Variants in FBXL18 observed in about 807,000 individuals in gnomAD.
The protein encoded by FBXL18 is F-box/LRR-repeat protein 18.
FBXL18 carries 36 observed loss-of-function variants against 46.0 expected under a neutral mutation model. The observed-to-expected ratio is 0.78, with a 90% CI of 0.60 to 1.03. The LOEUF is 1.03. FBXL18 is among the 50% of genes least tolerant of loss of function. The pLI, the probability that FBXL18 is intolerant of heterozygous loss-of-function variation, is 0.00. For synonymous variants in FBXL18, 557 were observed against 465.3 expected, an observed-to-expected ratio of 1.20 and a Z score of -2.54; for missense variants, 977 against 1,004.1, an observed-to-expected ratio of 0.97 and a Z score of 0.36.
At chr7:5,510,207 C>G (rs1784494348) in intron 1 of FBXL18, among the ~76,000 whole-genome samples, 1 of 145,320 alleles carries the variant, frequency 6.9e-6, no homozygotes, top group Admixed American at 7.2e-5. Flanking sequence ...GAGGCTGAGG[C>G]AAGGAGAATT....
At chr7:5,467,345 C>T (rs373794187) in intron 4 of FBXL18, among the ~76,000 whole-genome samples, 4 of 151,238 alleles carry the variant, frequency 2.6e-5, no homozygotes, top group East Asian at 1.9e-4. Context: ...AGCGAGACTC[C>T]GTCTTAAAAA....
intron 1 of FBXL18, among the ~76,000 whole-genome samples, chr7:5,506,204 A>G (rs916469233): frequency 2.0e-5 from 3 of 151,604 alleles, no homozygotes; most frequent in African/African-American, 7.3e-5. Flanking sequence ...CCAGCCTCCC[A>G]AAGGGCTGGG....
intron 1 of FBXL18, among the ~76,000 whole-genome samples, chr7:5,513,050 TCCCCGCTGCA>T (rs1405168165): frequency 1.3e-5 from 2 of 151,856 alleles, no homozygotes; most frequent in East Asian, 3.9e-4. Flanking sequence ...GAGTCTAGAG[TCCCCGCTGCA>T]CCCCTTTCTG....
At position 5,501,541 on chromosome 7, in the gene FBXL18, T is replaced by C. The variant is rs773049891; in HGVS notation, c.728A>G (p.Asn243Ser). The C allele has an allele frequency of 2.5e-6, 4 of 1,613,714 alleles. No individual in the cohort carries two copies. The Admixed American group carries it at 5.0e-5, about 20-fold the overall frequency. Residue 243 changes from asparagine to serine, a missense_variant, in exon 3 of 5, where the codon AAC becomes AGC. By Grantham distance (46) the Asn-to-Ser change is conservative (BLOSUM62 1). Coordinates refer to ENST00000382368, the MANE Select transcript of FBXL18 (RefSeq NM_024963.6). ...CAGGTAGAGCCGCACCACCTCCTGG[T>C]TGATGTAGCCGGGGGCCAGGCGCGC... ...FYARLAPGYI[N>S]QEVVRLYLAV...
At chr7:5,471,806 G>GC (rs1783432193), downstream of FBXL18, among the ~76,000 whole-genome samples, 1 of 152,184 alleles carries the variant, frequency 6.6e-6, no homozygotes, top group African/African-American at 2.4e-5. Context: ...CTGGCGTAGT[G>GC]CCCCCCACAA....
intron 4 of FBXL18, among the ~76,000 whole-genome samples, chr7:5,461,854 T>A (rs1016966892): frequency 1.3e-5 from 2 of 151,958 alleles, no homozygotes; most frequent in African/African-American, 2.4e-5. Context: ...GGCAGGAGAA[T>A]CACTTGAGCT....
intron 4 of FBXL18, among the ~76,000 whole-genome samples, chr7:5,459,030 A>G (rs889272354): frequency 2.0e-5 from 3 of 152,060 alleles, no homozygotes; most frequent in Non-Finnish European, 4.4e-5. Flanking sequence ...GTATGTACCT[A>G]TAGTCACAGC....
At chr7:5,468,475 T>G (rs1461075147) in intron 4 of FBXL18, among the ~76,000 whole-genome samples, 1 of 152,208 alleles carries the variant, frequency 6.6e-6, no homozygotes, top group African/African-American at 2.4e-5. Context: ...ACTGAAATAT[T>G]AACGGATGCA....
Position 5,478,024 on chromosome 7 carries a change from G to A in FBXL18, c.*3751C>T, listed in dbSNP as rs1464577878. 2 of 152,386 alleles carry A rather than the reference G, an allele frequency of 1.3e-5. No individual in the cohort carries two copies. Among genetic ancestry groups the A allele is most frequent in the Non-Finnish European group, 2.9e-5 (2 of 68,156 alleles). 9.4% of individuals were successfully genotyped at this position (152,386 alleles called of 1,614,324 possible). On this transcript the variant is annotated 3_prime_UTR_variant, in exon 5 of 5. Coordinates refer to ENST00000382368, the MANE Select transcript of FBXL18 (RefSeq NM_024963.6). ...CCTGGGTCCAACGGCCTGTGGCTCT[G>A]GGTCCGGACCCAGGGTGTGGTTGAG...
At chr7:5,512,678 C>A (rs6965422) in intron 1 of FBXL18, among the ~76,000 whole-genome samples, 2,914 of 152,204 alleles carry the variant, frequency 0.019, 107 homozygotes, top group African/African-American at 0.067. Context: ...GGTACCAGGA[C>A]CCCCCTTCTT....
At chr7:5,487,443 C>G (rs530223731) in intron 4 of FBXL18, among the ~76,000 whole-genome samples, 1 of 152,340 alleles carries the variant, frequency 6.6e-6, no homozygotes, top group Admixed American at 6.5e-5. Flanking sequence ...AAGATCCTGA[C>G]ACAGCCTGCC....
chr7:5,465,474 T>G (rs574633137), intron 4 of FBXL18, among the ~76,000 whole-genome samples: 26 of 152,022 alleles, frequency 1.7e-4, no homozygotes, highest in African/African-American at 6.0e-4. Flanking sequence ...GTGGACTGAT[T>G]GATTGACTGA....
At chr7:5,494,196 TG>T (rs1053130785) in intron 3 of FBXL18, among the ~76,000 whole-genome samples, 2 of 150,658 alleles carry the variant, frequency 1.3e-5, no homozygotes, top group African/African-American at 4.9e-5. Flanking sequence ...CGTTTCTACC[TG>T]GGAGGCAGAG....
chr7:5,467,812 A>C (rs1422412599), intron 4 of FBXL18, among the ~76,000 whole-genome samples: 1 of 152,108 alleles, frequency 6.6e-6, no homozygotes, highest in Non-Finnish European at 1.5e-5. Flanking sequence ...AGGAGATGGG[A>C]GCTGCTTTCC....
chr7:5,510,421 C>G (rs1216710823), intron 1 of FBXL18, among the ~76,000 whole-genome samples: 2 of 150,978 alleles, frequency 1.3e-5, no homozygotes, highest in East Asian at 3.9e-4. Context: ...CGGTGGCTCA[C>G]GCCTGTAATC....
intron 2 of FBXL18, among the ~76,000 whole-genome samples, chr7:5,504,388 C>A (rs112115370): frequency 0.33 from 50,092 of 149,778 alleles, 8,695 homozygotes; most frequent in Admixed American, 0.38. Flanking sequence ...CGGGATCGTG[C>A]CACTGCACTC....
At chr7:5,503,446 G>A (rs1029402602) in intron 2 of FBXL18, among the ~76,000 whole-genome samples, 11 of 152,052 alleles carry the variant, frequency 7.2e-5, no homozygotes, top group African/African-American at 2.2e-4. Context: ...TTGATGTCCC[G>A]GGGTTCAAGA....
chr7:5,499,598 G>C (rs758097786), intron 3 of FBXL18, among the ~76,000 whole-genome samples: 1 of 152,012 alleles, frequency 6.6e-6, no homozygotes, highest in East Asian at 1.9e-4. Flanking sequence ...AGGTGTGGTG[G>C]TGCACACCTG....
At chr7:5,471,958 C>T (rs946030543), downstream of FBXL18, among the ~76,000 whole-genome samples, 3 of 152,112 alleles carry the variant, frequency 2.0e-5, no homozygotes, top group African/African-American at 4.8e-5. Context: ...TGTGGTGGGG[C>T]GCACCTACAG....
Sources: allele counts gnomAD v4.1 joint callset (sites outside exome capture counted in the v4.1 genomes callset), GRCh38; gene constraint gnomAD v4.1.1; transcripts MANE v1.5; gene names NCBI Gene and HGNC (gene_info 2026-07-23, HGNC 2026-07-21).